Variants in PI4KA observed in about 807,000 individuals in gnomAD.
PI4KA encodes PI4-kinase alpha.
Under a neutral mutation model 271.4 loss-of-function variants are expected in PI4KA, and 122 were observed. The ratio of observed to expected loss-of-function variants is 0.45; its 90% CI spans 0.39 to 0.52. The LOEUF is 0.52. PI4KA is among the 20% of genes least tolerant of loss of function. The pLI is 0.00. For synonymous variants in PI4KA, 1,041 were observed against 1,078.8 expected (o/e 0.96, Z 0.69); for missense variants, 1,969 against 2,769.1 (o/e 0.71, Z 6.48).
chr22:20,746,207 C>A (rs569906046), intron 29 of PI4KA, among the ~76,000 whole-genome samples: 1 of 151,534 alleles, frequency 6.6e-6, no homozygotes, highest in Non-Finnish European at 1.5e-5. Flanking sequence ...GGACTACAGG[C>A]GCCTGCCACC....
chr22:20,775,194 G>GA (rs797021350), intron 19 of PI4KA, among the ~76,000 whole-genome samples: 182 of 138,782 alleles, frequency 1.3e-3, no homozygotes, highest in Admixed American at 2.6e-3. Context: ...AAGTTCCCAG[G>GA]AAAAAAAAAA....
chr22:20,795,194 C>G (rs1043180424), intron 18 of PI4KA, among the ~76,000 whole-genome samples: 1 of 150,228 alleles, frequency 6.7e-6, no homozygotes, highest in East Asian at 2.0e-4. Flanking sequence ...TCTTTTTTTT[C>G]CTTTTTGCCT....
rs1475625889 is a variant in PI4KA, at chr22:20,718,738, T to C, written c.5201A>G (p.Glu1734Gly). 6.2e-7 allele frequency: 1 copy of C among 1,613,936 alleles called. No individual in the cohort carries two copies. ...GGTGATCTTGTTAAAGAAATCAAAC[T>C]CCCGCTGGTAAAAGTCCTTCGCTGG... is the stretch of plus-strand genomic sequence containing the variant. Reference protein sequence around the residue: ...SGPAKDFYQREFDFFNKITNV... With the variant: ...SGPAKDFYQRGFDFFNKITNV... Residue 1734 changes from glutamate to glycine, a missense_variant, in exon 44 of 55, where the codon GAG becomes GGG. Physicochemically the swap from Glu to Gly is moderately conservative, Grantham distance 98 (BLOSUM62 -2). Around this residue, in one of 13 missense-constraint regions of PI4KA, gnomAD observed 388 missense variants for 521.5 expected, o/e 0.74. Coordinates refer to ENST00000255882, the MANE Select transcript of PI4KA (RefSeq NM_058004.4).
rs1469389656 is a variant in PI4KA, at chr22:20,751,667, C to T, written c.3069+7G>A. The T allele has an allele frequency of 6.2e-7, 1 of 1,612,220 alleles. No homozygotes were observed. Among genetic ancestry groups the T allele is most frequent in the Non-Finnish European group, 8.5e-7 (1 of 1,178,252 alleles). On this transcript the variant is annotated splice_region_variant and intron_variant, in intron 26 of 54. Transcript: ENST00000255882. The stretch of plus-strand genomic sequence containing the variant: ...GTTTGGGCCCTAGGTCTCCTGGGGA[C>T]ACTCACAGCGCTCAGTGACAGTGAC...
In PI4KA at chr22:20,804,293, G is replaced by A. The variant is rs1039634335; in HGVS notation, c.1461+7C>T. 2 of 1,598,432 alleles carry A rather than the reference G, an allele frequency of 1.3e-6. No homozygotes were observed. Among genetic ancestry groups the A allele is most frequent in the Non-Finnish European group, 1.7e-6 (2 of 1,165,700 alleles). ...ATCTGAGCCTCTCTGGGTTCAGGGA[G>A]ACTGACCTGCAGACAGCAGATCAGC... On this transcript the variant is annotated splice_region_variant and intron_variant, in intron 12 of 54. Transcript: ENST00000255882.
chr22:20,849,478 A>G (rs1409646673), intron 1 of PI4KA, among the ~76,000 whole-genome samples: 2 of 152,212 alleles, frequency 1.3e-5, no homozygotes. Context: ...AAAATATGGT[A>G]TATGCATACA....
intron 23 of PI4KA, among the ~76,000 whole-genome samples, chr22:20,760,884 G>C (rs1307154916): frequency 6.6e-6 from 1 of 152,158 alleles, no homozygotes; most frequent in Non-Finnish European, 1.5e-5. Flanking sequence ...CTGCAATCTT[G>C]AACTCCTGGG....
chr22:20,714,447 T>G lies in PI4KA; in HGVS notation c.5461+11A>C. 1 of 1,606,694 alleles carries G rather than the reference T, an allele frequency of 6.2e-7. No homozygotes were observed. Among genetic ancestry groups the G allele is most frequent in the Non-Finnish European group, 8.5e-7 (1 of 1,175,388 alleles). Reference sequence around the variant, plus strand: ...CTGAGCTCCCAAACAAAATCAGGGTTCTTTACTGACCTTCTTTTTCAAGTT... The same window carrying G: ...CTGAGCTCCCAAACAAAATCAGGGTGCTTTACTGACCTTCTTTTTCAAGTT... On this transcript the variant is annotated intron_variant, in intron 47 of 54. Transcript: ENST00000255882.
intron 32 of PI4KA, among the ~76,000 whole-genome samples, chr22:20,739,111 C>T (rs956984661): frequency 1.3e-5 from 2 of 151,328 alleles, no homozygotes; most frequent in Non-Finnish European, 2.9e-5. Context: ...TTTGGGAGGC[C>T]GAGGCGGGCG....
intron 43 of PI4KA, among the ~76,000 whole-genome samples, chr22:20,720,495 T>C (rs1461409070): frequency 1.3e-5 from 2 of 152,174 alleles, no homozygotes; most frequent in Non-Finnish European, 2.9e-5. Flanking sequence ...AAGGCTGCAG[T>C]GAGCCGTGAT....
chr22:20,718,759 G>T lies in PI4KA; in HGVS notation c.5180C>A (p.Ala1727Glu). 6.2e-7 allele frequency: 1 copy of T among 1,613,952 alleles called. No homozygotes were observed. The highest frequency in any genetic ancestry group is 8.5e-7 in the Non-Finnish European group (1 of 1,179,886). ...EEITGSLSGP[A>E]KDFYQREFDF... ...AAACTCCCGCTGGTAAAAGTCCTTCGCTGGGCCGGACAAGGAGCCTGTGAT... is the reference window on the plus strand; with the variant it reads ...AAACTCCCGCTGGTAAAAGTCCTTCTCTGGGCCGGACAAGGAGCCTGTGAT... The change falls in exon 44 of 55, where the codon GCG becomes GAG. Residue 1727 changes from alanine (A) to glutamate (E), a missense_variant. Physicochemically the swap from Ala to Glu is moderately radical, Grantham distance 107. Coordinates refer to ENST00000255882, the MANE Select transcript of PI4KA (RefSeq NM_058004.4).
chr22:20,773,554 A>C (rs1329374298), intron 19 of PI4KA, among the ~76,000 whole-genome samples: 1 of 152,172 alleles, frequency 6.6e-6, no homozygotes, highest in African/African-American at 2.4e-5. Flanking sequence ...GGCAACAAAC[A>C]CAGCAACCCT....
chr22:20,794,802 C>T (rs975687589), intron 18 of PI4KA, among the ~76,000 whole-genome samples: 1 of 152,176 alleles, frequency 6.6e-6, no homozygotes, highest in Non-Finnish European at 1.5e-5. Flanking sequence ...TAAACTATGG[C>T]CCATGAACCA....
chr22:20,827,464 T>A (rs2147731143), intron 3 of PI4KA, among the ~76,000 whole-genome samples: 1 of 152,288 alleles, frequency 6.6e-6, no homozygotes, highest in East Asian at 1.9e-4. Context: ...GTAGTAGAGG[T>A]GAAGTTTGAA....
rs544115149 is a variant in PI4KA, at chr22:20,780,706, G to C, written c.2328+12487C>G. ...CAGGAGAATCACTTGAACCTGGAAG[G>C]CAGAGATTGCAGTGAGCCGAGACTG... is the stretch of plus-strand genomic sequence containing the variant. On this transcript the variant is annotated intron_variant, in intron 19 of 54. Transcript: ENST00000255882. Among the ~76,000 whole-genome samples, 5 of 149,274 alleles carry C rather than the reference G, an allele frequency of 3.3e-5. No individual in the cohort carries two copies. In the East Asian group the frequency reaches 1.0e-3, roughly 30 times the overall value.
At position 20,818,573 on chromosome 22, in the gene PI4KA, A is replaced by G. The variant is rs184403532; in HGVS notation, c.790-24T>C. ...ACCTGAAACACACAACCACAGTTAC[A>G]TATCAGAAAAGACCAGTGAGACCTC... On this transcript the variant is annotated intron_variant, in intron 6 of 54. Coordinates refer to ENST00000255882, the MANE Select transcript of PI4KA (RefSeq NM_058004.4). 1.0e-3 allele frequency: 1,580 copies of G among 1,514,056 alleles called. 8 individuals carry two copies. Among genetic ancestry groups the G allele is most frequent in the Non-Finnish European group, 9.9e-4 (1,124 of 1,139,046 alleles). The allele number at this position is 1,514,056 out of a possible 1,614,324, so 93.8% of individuals were successfully genotyped here.
chr22:20,802,369 T>G (rs750670983), intron 13 of PI4KA, among the ~76,000 whole-genome samples: 11 of 152,212 alleles, frequency 7.2e-5, no homozygotes, highest in Non-Finnish European at 1.6e-4. Flanking sequence ...TCAAAAGTAC[T>G]GATGACCAAC....
At chr22:20,854,143 C>T (rs1278502560) in intron 1 of PI4KA, among the ~76,000 whole-genome samples, 1 of 152,088 alleles carries the variant, frequency 6.6e-6, no homozygotes, top group Non-Finnish European at 1.5e-5. Context: ...TTTTTTGAGA[C>T]AGAGTCTCCG....
At chr22:20,821,842 A>G (rs1252125312) in intron 4 of PI4KA, among the ~76,000 whole-genome samples, 2 of 151,662 alleles carry the variant, frequency 1.3e-5, no homozygotes, top group Non-Finnish European at 2.9e-5. Flanking sequence ...CGATCCACCC[A>G]CCTCGGCCTC....
Sources: gnomAD v4.1 joint callset for allele counts (sites outside exome capture counted in the v4.1 genomes callset) on GRCh38, gnomAD v4.1.1 for gene constraint, gnomAD v4.1.1 regional missense constraint, MANE v1.5 for transcripts, NCBI Gene and HGNC (gene_info 2026-07-23, HGNC 2026-07-21) for gene names.